The following VEZT variants were observed in gnomAD, a reference collection of about 807,000 sequenced individuals.
VEZT encodes the protein vezatin, adherens junctions transmembrane protein.
In VEZT, 39 loss-of-function variants were observed where a neutral mutation model predicts 79.9. The observed-to-expected ratio is 0.49, with a 90% CI of 0.38 to 0.64. The LOEUF is 0.64. Among genes scored for constraint, VEZT ranks in the 30% least tolerant of loss-of-function variants. VEZT has a pLI of 0.00. For missense variants in VEZT, 837 were observed against 893.1 expected, an observed-to-expected ratio of 0.94 and a Z score of 0.80; for synonymous variants, 325 against 327.6, an observed-to-expected ratio of 0.99 and a Z score of 0.09.
At chr12:95,224,487 A>G (rs1444563830) in intron 1 of VEZT, among the ~76,000 whole-genome samples, 1 of 151,796 alleles carries the variant, frequency 6.6e-6, no homozygotes, top group Non-Finnish European at 1.5e-5. Flanking sequence ...CTAACCTGTA[A>G]CTCTTATCAC....
At chr12:95,253,346 G>T (rs894063125) in intron 2 of VEZT, among the ~76,000 whole-genome samples, 5 of 152,082 alleles carry the variant, frequency 3.3e-5, no homozygotes, top group Admixed American at 2.6e-4. Flanking sequence ...AACCAAGCTG[G>T]CCCATTTGTA....
chr12:95,281,907 A>T (rs2069226988), intron 7 of VEZT, among the ~76,000 whole-genome samples: 1 of 151,922 alleles, frequency 6.6e-6, no homozygotes, highest in Non-Finnish European at 1.5e-5. Flanking sequence ...CAAGCTTTTG[A>T]TCCATGTGAC....
chr12:95,236,279 C>T (rs1361873441), intron 1 of VEZT, among the ~76,000 whole-genome samples: 3 of 152,172 alleles, frequency 2.0e-5, no homozygotes, highest in Non-Finnish European at 2.9e-5. Context: ...GAAAACCAGT[C>T]AGGCGTGGCG....
At chr12:95,247,140 AC>A (rs1254743609) in intron 1 of VEZT, among the ~76,000 whole-genome samples, 1 of 152,202 alleles carries the variant, frequency 6.6e-6, no homozygotes, top group Non-Finnish European at 1.5e-5. Flanking sequence ...TGCCTTTGTC[AC>A]TGTCATTCTC....
intron 5 of VEZT, 31 bp downstream of exon 5, chr12:95,266,663 T>A: frequency 6.5e-7 from 1 of 1,540,672 alleles, no homozygotes; most frequent in Non-Finnish European, 8.7e-7. Context: ...ATTTCTTAAA[T>A]GATTATTTTC....
At chr12:95,295,973 A>C in intron 10 of VEZT, 78 bp from the exon 11 acceptor site, 2 of 1,052,524 alleles carry the variant, frequency 1.9e-6, no homozygotes, top group Non-Finnish European at 2.7e-6. Flanking sequence ...CTCAGAGATA[A>C]GTAAGTGCAA....
chr12:95,255,516 C>T (rs2138036988), intron 2 of VEZT, among the ~76,000 whole-genome samples: 1 of 152,334 alleles, frequency 6.6e-6, no homozygotes, highest in South Asian at 2.1e-4. Flanking sequence ...GCTGCAACCT[C>T]CACCTCCCGG....
chr12:95,272,472 T>C (rs1301099317), intron 6 of VEZT, among the ~76,000 whole-genome samples: 2 of 152,154 alleles, frequency 1.3e-5, no homozygotes, highest in Non-Finnish European at 2.9e-5. Context: ...GCACAGTAAG[T>C]TGGAGGTTAG....
At chr12:95,291,144 T>C (rs1393614852) in intron 9 of VEZT, among the ~76,000 whole-genome samples, 1 of 152,088 alleles carries the variant, frequency 6.6e-6, no homozygotes, top group Non-Finnish European at 1.5e-5. Context: ...GGTGGAAAGA[T>C]TGTTTGAGCC....
intron 3 of VEZT, among the ~76,000 whole-genome samples, chr12:95,260,159 AC>A (rs2064171852): frequency 7.6e-6 from 1 of 132,104 alleles, no homozygotes; most frequent in African/African-American, 2.9e-5. Context: ...AGGCTGCAGT[AC>A]AGTGGCACCA....
chr12:95,300,829 T>A lies in VEZT; in HGVS notation c.*156T>A. Reference sequence around the variant, plus strand: ...CTGGTTTGAATAACTGATCTGAAATTAGTAGTTACCTGTAAATGGCAGATC... The same window carrying A: ...CTGGTTTGAATAACTGATCTGAAATAAGTAGTTACCTGTAAATGGCAGATC... On this transcript the variant is annotated 3_prime_UTR_variant, in exon 12 of 12. Coordinates refer to ENST00000436874, the MANE Select transcript of VEZT (RefSeq NM_017599.4). 1 of 1,058,506 alleles carries A rather than the reference T, an allele frequency of 9.4e-7. No homozygotes were observed. The highest frequency in any genetic ancestry group is 1.2e-6 in the Non-Finnish European group (1 of 804,006). The allele number at this position is 1,058,506 out of a possible 1,614,324, so 65.6% of individuals were successfully genotyped here.
intron 1 of VEZT, among the ~76,000 whole-genome samples, chr12:95,234,900 A>T (rs2059811006): frequency 6.6e-6 from 1 of 152,144 alleles, no homozygotes; most frequent in South Asian, 2.1e-4. Context: ...TTAACAAAGC[A>T]CATCTTGCAC....
rs369626186 is a variant in VEZT at position 95,280,697 on chromosome 12, T to C, written c.997-1616T>C. 2.6e-5 allele frequency among the ~76,000 whole-genome samples: 4 copies of C among 152,298 alleles called. No individual in the cohort carries two copies. The South Asian group carries it at 8.3e-4, about 32-fold the overall frequency. ...TGTGCCCCTCTACTTGAATATAAGC[T>C]CCATCAGAGTGGGGACTCTTCATTT... On this transcript the variant is annotated intron_variant, in intron 7 of 11. Coordinates refer to ENST00000436874, the MANE Select transcript of VEZT (RefSeq NM_017599.4).
chr12:95,229,646 C>T (rs1004913622), intron 1 of VEZT, among the ~76,000 whole-genome samples: 71 of 152,158 alleles, frequency 4.7e-4, no homozygotes, highest in African/African-American at 1.6e-3. Context: ...TTTCCAGTCT[C>T]TTTTTATATT....
chr12:95,293,169 T>G (rs1451895634), intron 9 of VEZT, among the ~76,000 whole-genome samples: 2 of 152,150 alleles, frequency 1.3e-5, no homozygotes, highest in Admixed American at 1.3e-4. Context: ...TAATTTAAAC[T>G]AGAAAGCAGC....
intron 1 of VEZT, among the ~76,000 whole-genome samples, chr12:95,223,000 G>A (rs531432343): frequency 3.4e-4 from 52 of 152,204 alleles, no homozygotes; most frequent in Admixed American, 9.2e-4. Flanking sequence ...TTTCTATTTT[G>A]ATAACTTTTT....
intron 7 of VEZT, among the ~76,000 whole-genome samples, chr12:95,277,884 T>G (rs1406374395): frequency 6.6e-6 from 1 of 152,256 alleles, no homozygotes; most frequent in African/African-American, 2.4e-5. Context: ...TCATTTCCTT[T>G]TAAATTACTT....
At chr12:95,251,915 T>C in intron 1 of VEZT, 25 bp from the exon 2 acceptor site, 1 of 1,597,016 alleles carries the variant, frequency 6.3e-7, no homozygotes, top group Non-Finnish European at 8.5e-7. Context: ...ATCTTGAAAT[T>C]TGCTTTATTT....
chr12:95,222,945 T>TG (rs944157935), intron 1 of VEZT, among the ~76,000 whole-genome samples: 10 of 152,242 alleles, frequency 6.6e-5, no homozygotes, highest in Admixed American at 6.5e-4. Context: ...GACTGAATGT[T>TG]GTCTATCAGC....
Sources: gnomAD v4.1 joint callset for allele counts (sites outside exome capture counted in the v4.1 genomes callset) on GRCh38, gnomAD v4.1.1 for gene constraint, MANE v1.5 for transcripts, NCBI Gene and HGNC (gene_info 2026-07-23, HGNC 2026-07-21) for gene names.